THSD7B: variants seen among roughly 807,000 people sequenced by gnomAD.
The protein encoded by THSD7B is thrombospondin type-1 domain-containing protein 7B.
In THSD7B, 138 loss-of-function variants were observed where a neutral mutation model predicts 213.6. The observed-to-expected ratio is 0.65, with a 90% CI of 0.56 to 0.74. The LOEUF (loss-of-function observed/expected upper bound fraction) is 0.74. THSD7B is among the 30% of genes least tolerant of loss of function. The pLI is 0.00. For synonymous variants in THSD7B, 742 were observed against 687.0 expected, an observed-to-expected ratio of 1.08 and a Z score of -1.25; for missense variants, 1,931 against 1,991.5, an observed-to-expected ratio of 0.97 and a Z score of 0.58.
chr2:137,177,845 C>T (rs949373434), intron 7 of THSD7B, among the ~76,000 whole-genome samples: 2 of 151,826 alleles, frequency 1.3e-5, no homozygotes, highest in South Asian at 2.1e-4. Flanking sequence ...TCAAGGTGGG[C>T]GGATCACTTG....
intron 10 of THSD7B, among the ~76,000 whole-genome samples, chr2:137,264,214 C>T (rs1428344624): frequency 6.7e-6 from 1 of 150,232 alleles, no homozygotes; most frequent in African/African-American, 2.4e-5. Flanking sequence ...GTACTGCCAT[C>T]TTTGCTGTCT....
intron 2 of THSD7B, among the ~76,000 whole-genome samples, chr2:136,946,847 G>T (rs77659326): frequency 6.6e-6 from 1 of 152,148 alleles, no homozygotes; most frequent in Admixed American, 6.5e-5. Context: ...CAAAAGTGCA[G>T]TATTTGAGCG....
At chr2:136,927,591 C>G (rs557124927) in intron 2 of THSD7B, among the ~76,000 whole-genome samples, 58 of 152,294 alleles carry the variant, frequency 3.8e-4, no homozygotes, top group African/African-American at 1.4e-3. Flanking sequence ...TTTTGTCAAA[C>G]TGCAGGACAT....
At chr2:137,064,035 G>A (rs1687329914) in intron 3 of THSD7B, among the ~76,000 whole-genome samples, 4 of 152,012 alleles carry the variant, frequency 2.6e-5, no homozygotes, top group African/African-American at 7.2e-5. Flanking sequence ...GTAGCAGTGG[G>A]ATTGCTAGAT....
At chr2:137,084,359 G>T (rs1295355731) in intron 3 of THSD7B, among the ~76,000 whole-genome samples, 1 of 152,158 alleles carries the variant, frequency 6.6e-6, no homozygotes, top group African/African-American at 2.4e-5. Context: ...AAAGTAAAGC[G>T]ATGAGTGGTA....
chr2:136,780,023 G>A lies in THSD7B; in HGVS notation c.-36+14336G>A, dbSNP rs73957533. Among the ~76,000 whole-genome samples, 1,183 of 152,280 alleles carry A rather than the reference G, an allele frequency of 7.8e-3. 13 individuals carry two copies. The highest frequency in any genetic ancestry group is 0.027 in the African/African-American group (1,117 of 41,552). ...GGCTGTAAACTGGCTGTCCACCACA[G>A]ATGAGGTGATTTTTTGAGGGGGGTG... is the stretch of plus-strand genomic sequence containing the variant. On this transcript the variant is annotated intron_variant, in intron 1 of 27. Coordinates refer to ENST00000409968, the MANE Select transcript of THSD7B (RefSeq NM_001316349.2).
At chr2:136,961,227 T>TC (rs1380953590) in intron 2 of THSD7B, among the ~76,000 whole-genome samples, 1 of 146,810 alleles carries the variant, frequency 6.8e-6, no homozygotes, top group East Asian at 2.0e-4. Context: ...TTCTTTTCTT[T>TC]TTTTTTTTTT....
At chr2:137,671,241 TTTTTTTAAA>T (rs1249184814) in intron 27 of THSD7B, among the ~76,000 whole-genome samples, 37 of 39,838 alleles carry the variant, frequency 9.3e-4, no homozygotes, top group African/African-American at 1.9e-3. Context: ...TTTGCTTTTT[TTTTTTTAAA>T]AAAAAAAAAA....
chr2:137,220,796 A>G (rs1681349929), intron 7 of THSD7B, among the ~76,000 whole-genome samples: 1 of 95,748 alleles, frequency 1.0e-5, no homozygotes, highest in African/African-American at 4.7e-5. Context: ...CAGGAGAATG[A>G]ATAAACAAAA....
chr2:137,210,258 T>C, intron 7 of THSD7B, among the ~76,000 whole-genome samples: 1 of 152,100 alleles, frequency 6.6e-6, no homozygotes, highest in East Asian at 1.9e-4. Context: ...TCTATCAAGC[T>C]TTCACTTTTT....
At chr2:137,038,546 T>A (rs1018756909) in intron 2 of THSD7B, among the ~76,000 whole-genome samples, 3 of 152,240 alleles carry the variant, frequency 2.0e-5, no homozygotes, top group African/African-American at 7.2e-5. Flanking sequence ...GGGTTATGTT[T>A]AATTTGTATT....
chr2:136,887,233 A>T (rs1683733794), intron 2 of THSD7B, among the ~76,000 whole-genome samples: 1 of 152,086 alleles, frequency 6.6e-6, no homozygotes. Context: ...GTGAGCTTAT[A>T]AAAAGTCTGG....
At chr2:137,093,786 G>A (rs2889000) in intron 3 of THSD7B, among the ~76,000 whole-genome samples, 3 of 121,150 alleles carry the variant, frequency 2.5e-5, no homozygotes, top group Non-Finnish European at 3.6e-5. Flanking sequence ...TATACTTTAA[G>A]TTTTAGGGTA....
At chr2:137,300,661 T>A (rs1683576341) in intron 12 of THSD7B, among the ~76,000 whole-genome samples, 1 of 152,150 alleles carries the variant, frequency 6.6e-6, no homozygotes, top group Admixed American at 6.5e-5. Context: ...TTTATACGAA[T>A]TCATGAGAGG....
chr2:136,950,909 A>G (rs1046417428), intron 2 of THSD7B, among the ~76,000 whole-genome samples: 4 of 152,226 alleles, frequency 2.6e-5, no homozygotes, highest in Admixed American at 6.5e-5. Context: ...TTCAACTCAG[A>G]TGCTGTTGTG....
At chr2:136,771,207 G>A (rs984669692) in intron 1 of THSD7B, among the ~76,000 whole-genome samples, 1 of 151,816 alleles carries the variant, frequency 6.6e-6, no homozygotes. Flanking sequence ...ATTAAATATT[G>A]TTAGTAGGGC....
intron 7 of THSD7B, among the ~76,000 whole-genome samples, chr2:137,198,562 C>G (rs1215980618): frequency 4.6e-5 from 7 of 152,166 alleles, no homozygotes; most frequent in Admixed American, 4.6e-4. Context: ...GTTTCAGCTG[C>G]TAGCTTTCAA....
intron 12 of THSD7B, among the ~76,000 whole-genome samples, chr2:137,366,201 T>G (rs1436830576): frequency 6.6e-6 from 1 of 151,966 alleles, no homozygotes; most frequent in Non-Finnish European, 1.5e-5. Context: ...TGAGAATACT[T>G]GGACACAGGG....
intron 12 of THSD7B, among the ~76,000 whole-genome samples, chr2:137,277,703 A>G (rs184284686): frequency 6.6e-6 from 1 of 152,260 alleles, no homozygotes; most frequent in African/African-American, 2.4e-5. Flanking sequence ...ATTTTGCAGA[A>G]CAGGATTACA....
Sources: gnomAD v4.1 joint callset for allele counts (sites outside exome capture counted in the v4.1 genomes callset) on GRCh38, gnomAD v4.1.1 for gene constraint, MANE v1.5 for transcripts, NCBI Gene and HGNC (gene_info 2026-07-23, HGNC 2026-07-21) for gene names.